Variants in ADORA2B observed in about 807,000 individuals in gnomAD.
ADORA2B encodes the protein adenosine receptor A2b.
A neutral mutation model predicts 20.8 loss-of-function variants in ADORA2B; 18 were observed. That is an observed-to-expected ratio of 0.87 (90% CI 0.60 to 1.29). The LOEUF (loss-of-function observed/expected upper bound fraction) is 1.29, where lower values mean the gene tolerates loss of function less well. ADORA2B is among the 50% of genes most tolerant of loss of function. ADORA2B has a pLI of 0.00. For missense variants in ADORA2B, 441 were observed against 422.7 expected (o/e 1.04, Z -0.38); for synonymous variants, 179 against 178.3 (o/e 1.00, Z -0.03).
the ADORA2B span, among the ~76,000 whole-genome samples, chr17:15,905,284 T>TGCG: frequency 1.4e-5 from 2 of 146,738 alleles, no homozygotes; most frequent in African/African-American, 5.1e-5. Context: ...TTGTTGTTGT[T>TGCG]GGGGGGGGGT....
intron 1 of ADORA2B, among the ~76,000 whole-genome samples, chr17:15,962,041 G>A (rs1970047814): frequency 6.6e-6 from 1 of 152,172 alleles, no homozygotes; most frequent in Non-Finnish European, 1.5e-5. Context: ...AGTGGCTCAT[G>A]GCTGTAATCC....
At chr17:15,859,348 A>G in the ADORA2B span, among the ~76,000 whole-genome samples, 1 of 151,606 alleles carries the variant, frequency 6.6e-6, no homozygotes, top group Non-Finnish European at 1.5e-5. Flanking sequence ...CTGCAGAAAC[A>G]GGGATTAATG....
chr17:15,923,076 G>A, the ADORA2B span, among the ~76,000 whole-genome samples: 1 of 151,586 alleles, frequency 6.6e-6, no homozygotes, highest in African/African-American at 2.4e-5. Flanking sequence ...AGGCTGGAGT[G>A]CAGTGGTGTG....
the ADORA2B span, among the ~76,000 whole-genome samples, chr17:15,892,736 C>T: frequency 1.3e-5 from 2 of 151,694 alleles, no homozygotes; most frequent in Non-Finnish European, 2.9e-5. Context: ...CCTAGAGGAC[C>T]TCGGCAAAGG....
At chr17:15,916,285 G>A in the ADORA2B span, among the ~76,000 whole-genome samples, 6 of 152,214 alleles carry the variant, frequency 3.9e-5, no homozygotes, top group African/African-American at 1.4e-4. Context: ...TACTGCAGCT[G>A]GAAGCCCAGC....
chr17:15,914,455 C>T, the ADORA2B span, among the ~76,000 whole-genome samples: 1 of 152,114 alleles, frequency 6.6e-6, no homozygotes, highest in Non-Finnish European at 1.5e-5. Context: ...TCCTCCCATC[C>T]GAGTCTCCCA....
the ADORA2B span, among the ~76,000 whole-genome samples, chr17:15,921,675 A>G: frequency 6.6e-6 from 1 of 152,300 alleles, no homozygotes; most frequent in Middle Eastern, 3.4e-3. Flanking sequence ...AGTCCTGAAA[A>G]ACAGTGCTTT....
the ADORA2B span, among the ~76,000 whole-genome samples, chr17:15,925,041 T>C: frequency 1.3e-5 from 2 of 151,646 alleles, no homozygotes; most frequent in African/African-American, 2.4e-5. Context: ...ACCTGGTTAT[T>C]TTATTTTATT....
chr17:15,860,084 C>T, the ADORA2B span, among the ~76,000 whole-genome samples: 57 of 152,246 alleles, frequency 3.7e-4, no homozygotes, highest in East Asian at 8.5e-3. Flanking sequence ...TGTTCTGTTC[C>T]GTTCTAATTA....
chr17:15,866,742 T>A, the ADORA2B span, among the ~76,000 whole-genome samples: 14 of 119,722 alleles, frequency 1.2e-4, no homozygotes, highest in Non-Finnish European at 5.1e-5. Flanking sequence ...TGCCTCTGCC[T>A]CTGCCGCTGC....
In ADORA2B at chr17:15,975,473, A is replaced by G. The variant is rs757333649; in HGVS notation, c.*131A>G. On this transcript the variant is annotated 3_prime_UTR_variant, in exon 2 of 2. Coordinates refer to ENST00000304222, the MANE Select transcript of ADORA2B (RefSeq NM_000676.4). ...CTGCCTCTCTTGAGCACTTCCCTGG[A>G]GCTACCACGTATCTAGCTAATATGT... is the stretch of plus-strand genomic sequence containing the variant. The G allele has an allele frequency of 2.3e-6, 2 of 857,472 alleles. No homozygotes were observed. The highest frequency in any genetic ancestry group is 3.6e-6 in the Non-Finnish European group (2 of 559,698). The allele number at this position is 857,472 out of a possible 1,614,324, so 53.1% of individuals were successfully genotyped here.
intron 1 of ADORA2B, among the ~76,000 whole-genome samples, chr17:15,973,694 A>G (rs2151611816): frequency 6.6e-6 from 1 of 152,298 alleles, no homozygotes; most frequent in African/African-American, 2.4e-5. Context: ...GGTCTGTGGA[A>G]ACATTGTCTT....
At chr17:15,916,153 C>T in the ADORA2B span, among the ~76,000 whole-genome samples, 1 of 152,158 alleles carries the variant, frequency 6.6e-6, no homozygotes, top group African/African-American at 2.4e-5. Flanking sequence ...TCTTGCAGCC[C>T]AGAGCTGTCT....
chr17:15,954,439 C>CTGAG (rs1414241323), intron 1 of ADORA2B, among the ~76,000 whole-genome samples: 4 of 152,206 alleles, frequency 2.6e-5, no homozygotes, highest in Non-Finnish European at 5.9e-5. Context: ...CACCCTCATG[C>CTGAG]TGAGCCTCCT....
the ADORA2B span, among the ~76,000 whole-genome samples, chr17:15,894,853 G>C: frequency 5.3e-5 from 8 of 152,178 alleles, no homozygotes; most frequent in Admixed American, 5.2e-4. Context: ...GACAATAACT[G>C]AGCAAAGTAA....
At chr17:15,886,196 C>G in the ADORA2B span, among the ~76,000 whole-genome samples, 1 of 152,178 alleles carries the variant, frequency 6.6e-6, no homozygotes, top group Non-Finnish European at 1.5e-5. Context: ...AAGAAAGAAC[C>G]AGACTTTTGT....
chr17:15,945,305 G>T lies in ADORA2B; in HGVS notation c.57G>T (p.Ala19=), dbSNP rs1031756759. 2.5e-6 allele frequency: 4 copies of T among 1,573,270 alleles called. No homozygotes were observed. Among genetic ancestry groups the T allele is most frequent in the Non-Finnish European group, 3.4e-6 (4 of 1,163,920 alleles). ...LYVALELVIA[A]LSVAGNVLVC... ...TGGCGCTGGAGCTGGTCATCGCCGC[G>T]CTTTCGGTGGCGGGCAACGTGCTGG... Residue 19 remains alanine (A), a synonymous_variant, in exon 1 of 2, where the codon GCG becomes GCT. Coordinates refer to ENST00000304222, the MANE Select transcript of ADORA2B (RefSeq NM_000676.4).
the ADORA2B span, among the ~76,000 whole-genome samples, chr17:15,870,412 A>G: frequency 6.6e-6 from 1 of 152,144 alleles, no homozygotes; most frequent in Non-Finnish European, 1.5e-5. Flanking sequence ...GCCAAGGCAG[A>G]CAGATCTCTT....
the ADORA2B span, among the ~76,000 whole-genome samples, chr17:15,939,593 C>A: frequency 6.6e-6 from 1 of 152,280 alleles, no homozygotes; most frequent in Non-Finnish European, 1.5e-5. Flanking sequence ...GGTGTGCTGG[C>A]TCACGCCTGT....
Sources: allele counts gnomAD v4.1 joint callset (sites outside exome capture counted in the v4.1 genomes callset), GRCh38; gene constraint gnomAD v4.1.1; transcripts MANE v1.5; gene names NCBI Gene and HGNC (gene_info 2026-07-23, HGNC 2026-07-21).